Variants in PRKAR1A observed in about 807,000 individuals in gnomAD.
PRKAR1A encodes the protein cAMP-dependent protein kinase type I-alpha regulatory subunit.
PRKAR1A carries 3 observed loss-of-function variants against 52.0 expected under a neutral mutation model. That is an observed-to-expected ratio of 0.06 (90% CI 0.03 to 0.15). The LOEUF (loss-of-function observed/expected upper bound fraction) is 0.15, where lower values mean the gene tolerates loss of function less well. Ranked by LOEUF, PRKAR1A falls within the 10% of genes least tolerant of loss-of-function variation. The pLI, the probability that PRKAR1A is intolerant of heterozygous loss-of-function variation, is 1.00. For missense variants in PRKAR1A, 240 were observed against 477.4 expected (o/e 0.50, Z 4.63); for synonymous variants, 188 against 168.4 (o/e 1.12, Z -0.90).
At chr17:68,430,007 A>ACAGATGTT in the PRKAR1A span, 1 of 1,614,162 alleles carries the variant, frequency 6.2e-7, no homozygotes, top group Non-Finnish European at 8.5e-7. Context: ...TTGAGAGGGT[A>ACAGATGTT]CAGATGTTCC....
chr17:68,499,368 A>AAGAG, the PRKAR1A span, among the ~76,000 whole-genome samples: 10,282 of 140,274 alleles, frequency 0.073, 368 homozygotes, highest in East Asian at 0.12. Flanking sequence ...AAGGGAGGAA[A>AAGAG]AGAGAGAGAG....
the PRKAR1A span, chr17:68,426,254 G>GGGGGT: frequency 7.3e-6 from 6 of 816,916 alleles, 1 homozygote; most frequent in African/African-American, 1.7e-5. Flanking sequence ...GGGAGCGGGG[G>GGGGGT]CTCAAATAAA....
At chr17:68,486,573 TTTCCTTCC>T in the PRKAR1A span, among the ~76,000 whole-genome samples, 1 of 141,316 alleles carries the variant, frequency 7.1e-6, no homozygotes, top group East Asian at 2.1e-4. Flanking sequence ...TTCTTTCTTC[TTTCCTTCC>T]TTCCTTCCTT....
the PRKAR1A span, among the ~76,000 whole-genome samples, chr17:68,489,351 ATAT>A: frequency 2.5e-5 from 3 of 122,428 alleles, no homozygotes; most frequent in African/African-American, 9.6e-5. Context: ...ATATATATAT[ATAT>A]ATATGGAAAG....
At chr17:68,422,356 G>A in the PRKAR1A span, 1 of 155,318 alleles carries the variant, frequency 6.4e-6, no homozygotes, top group Non-Finnish European at 1.4e-5. Context: ...TTGAACCGGG[G>A]AGGTGGAGGC....
At chr17:68,417,817 G>A in the PRKAR1A span, among the ~76,000 whole-genome samples, 2 of 122,008 alleles carry the variant, frequency 1.6e-5, no homozygotes, top group East Asian at 5.3e-4. Flanking sequence ...GCACGATCTC[G>A]GCTCCCAGGT....
downstream of PRKAR1A, among the ~76,000 whole-genome samples, chr17:68,534,416 A>G (rs1052983582): frequency 7.2e-5 from 11 of 152,204 alleles, no homozygotes; most frequent in South Asian, 4.1e-4. Flanking sequence ...CCCAAAATCA[A>G]TAGTCACAGG....
chr17:68,550,563 T>C (rs2086791133), intron 11 of PRKAR1A, among the ~76,000 whole-genome samples: 1 of 151,894 alleles, frequency 6.6e-6, no homozygotes, highest in South Asian at 2.1e-4. Flanking sequence ...GTATTTTTGG[T>C]AGAGATGGGG....
At chr17:68,421,055 C>G in the PRKAR1A span, 1 of 155,050 alleles carries the variant, frequency 6.4e-6, no homozygotes, top group Admixed American at 6.3e-5. Flanking sequence ...CGAGTAGATC[C>G]TGAAATCCTA....
At chr17:68,444,298 A>T in the PRKAR1A span, among the ~76,000 whole-genome samples, 7 of 152,370 alleles carry the variant, frequency 4.6e-5, no homozygotes, top group South Asian at 4.1e-4. Flanking sequence ...TGAAGGGCAC[A>T]CAGCCCCCCT....
the PRKAR1A span, among the ~76,000 whole-genome samples, chr17:68,425,371 T>C: frequency 7.5e-6 from 1 of 134,114 alleles, no homozygotes; most frequent in Non-Finnish European, 1.5e-5. Flanking sequence ...ACCCGGCTAA[T>C]TTTTTCTTTT....
the PRKAR1A span, among the ~76,000 whole-genome samples, chr17:68,416,308 T>A: frequency 6.6e-6 from 1 of 152,198 alleles, no homozygotes; most frequent in Non-Finnish European, 1.5e-5. Flanking sequence ...AATTCTTGGC[T>A]GATAATTGTT....
the PRKAR1A span, among the ~76,000 whole-genome samples, chr17:68,437,141 G>A: frequency 3.3e-5 from 5 of 152,006 alleles, no homozygotes; most frequent in East Asian, 9.6e-4. Context: ...CCTCAAAACT[G>A]AAATAAATCT....
At chr17:68,438,792 G>C in the PRKAR1A span, among the ~76,000 whole-genome samples, 11 of 152,088 alleles carry the variant, frequency 7.2e-5, no homozygotes, top group Non-Finnish European at 1.6e-4. Flanking sequence ...GTAGAGACAG[G>C]GTTTCACCAT....
intron 7 of PRKAR1A, 116 bp from the exon 8 acceptor site, chr17:68,527,724 A>G: frequency 2.3e-6 from 2 of 869,170 alleles, no homozygotes; most frequent in Non-Finnish European, 1.8e-6. Context: ...AAAAGCAACA[A>G]GCTTTGACTT....
At chr17:68,516,054 G>A (rs1396885514) in intron 2 of PRKAR1A, among the ~76,000 whole-genome samples, 2 of 151,850 alleles carry the variant, frequency 1.3e-5, no homozygotes, top group Non-Finnish European at 2.9e-5. Context: ...AATTAGATTC[G>A]GTCTATTTTA....
At chr17:68,502,890 C>T in the PRKAR1A span, among the ~76,000 whole-genome samples, 103 of 151,804 alleles carry the variant, frequency 6.8e-4, no homozygotes, top group East Asian at 0.019. Context: ...TTGTTAACTT[C>T]TATGATTTCT....
intron 11 of PRKAR1A, chr17:68,539,327 G>T (rs1173230303): frequency 1.2e-6 from 2 of 1,614,136 alleles, no homozygotes; most frequent in South Asian, 1.1e-5. Flanking sequence ...TCTGCTGCAG[G>T]AAAACTTACA....
the PRKAR1A span, among the ~76,000 whole-genome samples, chr17:68,504,479 T>A: frequency 2.0e-5 from 3 of 152,078 alleles, no homozygotes; most frequent in African/African-American, 7.2e-5. Flanking sequence ...AAAAGACATG[T>A]GGTACAAATA....
Sources: allele counts gnomAD v4.1 joint callset (sites outside exome capture counted in the v4.1 genomes callset), GRCh38; gene constraint gnomAD v4.1.1; transcripts MANE v1.5; gene names NCBI Gene and HGNC (gene_info 2026-07-23, HGNC 2026-07-21).